HSD17B2: variants seen among roughly 807,000 people sequenced by gnomAD.
The protein encoded by HSD17B2 is 17-beta-hydroxysteroid dehydrogenase type 2.
In HSD17B2, 32 loss-of-function variants were observed where a neutral mutation model predicts 26.9. That is an observed-to-expected ratio of 1.19 (90% CI 0.90 to 1.60). HSD17B2 has a LOEUF of 1.60. Among genes scored for constraint, HSD17B2 ranks in the 40% most tolerant of loss-of-function variants. The pLI is 0.00. For synonymous variants in HSD17B2, 246 were observed against 186.7 expected, an observed-to-expected ratio of 1.32 and a Z score of -2.59; for missense variants, 613 against 468.6, an observed-to-expected ratio of 1.31 and a Z score of -2.85.
chr16:82,094,376 C>T (rs1904778342), intron 4 of HSD17B2: 1 of 152,224 alleles, frequency 6.6e-6, no homozygotes, highest in South Asian at 2.1e-4. Context: ...TATGTATACT[C>T]CAATCACCAC....
chr16:82,064,311 A>C (rs568056787), intron 1 of HSD17B2, among the ~76,000 whole-genome samples: 1 of 152,318 alleles, frequency 6.6e-6, no homozygotes, highest in South Asian at 2.1e-4. Context: ...TAATGGTTTC[A>C]ATGTTCATGC....
intron 1 of HSD17B2, among the ~76,000 whole-genome samples, chr16:82,063,689 G>C (rs1001385978): frequency 1.3e-5 from 2 of 152,210 alleles, no homozygotes; most frequent in Non-Finnish European, 2.9e-5. Context: ...GCATAAACAA[G>C]GTTAGAAAGA....
intron 3 of HSD17B2, 40 bp downstream of exon 3, chr16:82,071,167 C>T (rs774878610): frequency 8.2e-6 from 13 of 1,581,182 alleles, no homozygotes; most frequent in African/African-American, 2.7e-5. Flanking sequence ...GGGTGCCCAT[C>T]ACAAGACATG....
chr16:82,069,626 G>T (rs758235424), intron 2 of HSD17B2, among the ~76,000 whole-genome samples: 1 of 152,144 alleles, frequency 6.6e-6, no homozygotes, highest in Non-Finnish European at 1.5e-5. Context: ...GGTTGCATCT[G>T]CAGACTTCGC....
chr16:82,040,375 T>C (rs796665551), intron 1 of HSD17B2, among the ~76,000 whole-genome samples: 6 of 152,334 alleles, frequency 3.9e-5, no homozygotes, highest in African/African-American at 1.4e-4. Flanking sequence ...CTCTAACCTT[T>C]ACATGCATTT....
chr16:82,077,241 G>A (rs1904307200), intron 3 of HSD17B2, among the ~76,000 whole-genome samples: 1 of 152,060 alleles, frequency 6.6e-6, no homozygotes. Context: ...AAAACTGGAG[G>A]AATCACATTA....
rs1161792196 is a variant in HSD17B2, at chr16:82,098,357, T to C, written c.1085T>C (p.Phe362Ser). ...HYLPIGIYDY[F>S]AKRHFGQDKP... ...TTGCCTATTGGCATATATGATTACT[T>C]TGCTAAAAGACATTTTGGCCAAGAC... is the stretch of plus-strand genomic sequence containing the variant. The change falls in exon 5 of 5, where the codon TTT becomes TCT. Residue 362 changes from phenylalanine to serine, a missense_variant. Transcript: ENST00000199936. 1.2e-6 allele frequency: 2 copies of C among 1,614,046 alleles called. No individual in the cohort carries two copies. Among genetic ancestry groups the C allele is most frequent in the Non-Finnish European group, 1.7e-6 (2 of 1,180,022 alleles).
At chr16:82,045,146 G>C (rs1303914611) in intron 1 of HSD17B2, among the ~76,000 whole-genome samples, 6 of 145,298 alleles carry the variant, frequency 4.1e-5, no homozygotes, top group African/African-American at 1.5e-4. Context: ...AAAAAAAAGA[G>C]AGAAAAAAGA....
intron 1 of HSD17B2, among the ~76,000 whole-genome samples, chr16:82,059,392 G>T (rs8191099): frequency 2.0e-5 from 3 of 152,152 alleles, no homozygotes; most frequent in Non-Finnish European, 4.4e-5. Context: ...GTTGAGAATC[G>T]CTTTCCTGCA....
At chr16:82,056,877 T>C (rs1251709338) in intron 1 of HSD17B2, among the ~76,000 whole-genome samples, 1 of 152,196 alleles carries the variant, frequency 6.6e-6, no homozygotes, top group Non-Finnish European at 1.5e-5. Flanking sequence ...CTTTTTTACT[T>C]GAGTGAGGCT....
intron 1 of HSD17B2, among the ~76,000 whole-genome samples, chr16:82,047,935 T>C (rs1324631874): frequency 1.3e-5 from 2 of 152,198 alleles, no homozygotes; most frequent in Non-Finnish European, 2.9e-5. Flanking sequence ...AGGGTGATTT[T>C]TACAATGAAG....
chr16:82,068,832 T>G (rs1914633394), intron 2 of HSD17B2, among the ~76,000 whole-genome samples: 2 of 152,200 alleles, frequency 1.3e-5, no homozygotes, highest in South Asian at 4.1e-4. Flanking sequence ...ACCTTCAATT[T>G]GCCGTTGGCT....
Position 82,035,300 on chromosome 16 carries a change from G to T in HSD17B2, c.-125G>T. ...CTTAATCTATGCTCAGTTGAAAGGGGCTGGGGCTGCTTTCTCCCCTCCCTT... is the reference window on the plus strand; with the variant it reads ...CTTAATCTATGCTCAGTTGAAAGGGTCTGGGGCTGCTTTCTCCCCTCCCTT... On this transcript the variant is annotated 5_prime_UTR_variant, in exon 1 of 5. Transcript: ENST00000199936. 1.2e-6 allele frequency: 1 copy of T among 805,582 alleles called. No homozygotes were observed. Among genetic ancestry groups the T allele is most frequent in the Non-Finnish European group, 2.0e-6 (1 of 505,272 alleles). 49.9% of individuals were successfully genotyped at this position (805,582 alleles called of 1,614,324 possible). A position where few individuals can be genotyped will look rare whatever the true frequency, so the allele number is the denominator to read the frequency against.
In HSD17B2 at chr16:82,048,991, A is replaced by T. The variant is rs142738358; in HGVS notation, c.265+13302A>T. Among the ~76,000 whole-genome samples the T allele has an allele frequency of 9.8e-5, 15 of 152,380 alleles. No individual in the cohort carries two copies. The East Asian group carries it at 2.5e-3, about 25-fold the overall frequency. On this transcript the variant is annotated intron_variant, in intron 1 of 4. Transcript: ENST00000199936. ...AGTAACCAGAGAACGCATTATGATG[A>T]AAATAATCCTGGCTACTTTCTGGGC...
rs374693668 is a variant in HSD17B2 at position 82,098,152 on chromosome 16, G to T, written c.880G>T (p.Asp294Tyr). Residue 294 changes from aspartate (D) to tyrosine (Y), a missense_variant, in exon 5 of 5, where the codon GAC becomes TAC. Transcript: ENST00000199936. Reference protein sequence around the residue: ...LDHLPAEVQEDYGQDYILAQR... With the variant: ...LDHLPAEVQEYYGQDYILAQR... ...CCACCTCCCCGCTGAGGTACAGGAA[G>T]ACTACGGCCAGGACTACATCTTAGC... 3.7e-6 allele frequency: 6 copies of T among 1,613,984 alleles called. No homozygotes were observed. In the African/African-American group the frequency reaches 8.0e-5, roughly 22 times the overall value.
At position 82,083,650 on chromosome 16, in the gene HSD17B2, A is replaced by G. The variant is rs184369929; in HGVS notation, c.665-7252A>G. Among the ~76,000 whole-genome samples, 18 of 152,276 alleles carry G rather than the reference A, an allele frequency of 1.2e-4. No homozygotes were observed. In the East Asian group the frequency reaches 1.5e-3, roughly 13 times the overall value. On this transcript the variant is annotated intron_variant, in intron 3 of 4. Coordinates refer to ENST00000199936, the MANE Select transcript of HSD17B2 (RefSeq NM_002153.3). Reference sequence around the variant, plus strand: ...TCTGGGGCAGCAGCTGACAGTCTGTATGCTTGCAGCTTCTTAATCTGCCAG... The same window carrying G: ...TCTGGGGCAGCAGCTGACAGTCTGTGTGCTTGCAGCTTCTTAATCTGCCAG...
chr16:82,094,819 C>A (rs1237652999), intron 4 of HSD17B2: 1 of 152,108 alleles, frequency 6.6e-6, no homozygotes, highest in Non-Finnish European at 1.5e-5. Context: ...GCTTTATGTG[C>A]ATTATCTCCC....
At chr16:82,063,916 GA>G (rs1310960708) in intron 1 of HSD17B2, among the ~76,000 whole-genome samples, 1 of 152,188 alleles carries the variant, frequency 6.6e-6, no homozygotes, top group Non-Finnish European at 1.5e-5. Flanking sequence ...CAAAAACAAA[GA>G]AAGGGAGTTT....
Position 82,095,986 on chromosome 16 carries a change from T to A in HSD17B2, c.803-2089T>A, listed in dbSNP as rs1048304297. ...TTTAAAAATATGCACATCTCCTTAT[T>A]ATTCACTTTATATAATGAGGAGGCA... is the stretch of plus-strand genomic sequence containing the variant. On this transcript the variant is annotated intron_variant, in intron 4 of 4. Coordinates refer to ENST00000199936, the MANE Select transcript of HSD17B2 (RefSeq NM_002153.3). 2.0e-5 allele frequency: 3 copies of A among 152,206 alleles called. 1 individual carries two copies. Among genetic ancestry groups the A allele is most frequent in the Non-Finnish European group, 4.4e-5 (3 of 68,030 alleles). The allele number at this position is 152,206 out of a possible 1,614,324, so 9.4% of individuals were successfully genotyped here. A position where few individuals can be genotyped will look rare whatever the true frequency, so the allele number is the denominator to read the frequency against.
Sources: allele counts gnomAD v4.1 joint callset (sites outside exome capture counted in the v4.1 genomes callset), GRCh38; gene constraint gnomAD v4.1.1; transcripts MANE v1.5; gene names NCBI Gene and HGNC (gene_info 2026-07-23, HGNC 2026-07-21).